ITPKB: variants seen among roughly 807,000 people sequenced by gnomAD.
The protein encoded by ITPKB is IP3 3-kinase B.
A neutral mutation model predicts 69.4 loss-of-function variants in ITPKB; 13 were observed. The ratio of observed to expected loss-of-function variants is 0.19; its 90% CI spans 0.12 to 0.30. ITPKB has a LOEUF of 0.30. Among genes scored for constraint, ITPKB ranks in the 10% least tolerant of loss-of-function variants. ITPKB has a pLI of 1.00. For synonymous variants in ITPKB, 584 were observed against 513.7 expected (o/e 1.14, Z -1.85); for missense variants, 1,240 against 1,250.5 (o/e 0.99, Z 0.13).
intron 2 of ITPKB, among the ~76,000 whole-genome samples, chr1:226,654,506 G>A (rs191573477): frequency 1.3e-5 from 2 of 152,272 alleles, no homozygotes; most frequent in East Asian, 1.9e-4. Context: ...CTCCCTGGGG[G>A]CCAAGGCCTA....
chr1:226,666,776 A>G (rs1669511922), intron 2 of ITPKB, among the ~76,000 whole-genome samples: 1 of 152,128 alleles, frequency 6.6e-6, no homozygotes, highest in African/African-American at 2.4e-5. Context: ...TTTCTAAAAC[A>G]TCAATCTGAT....
At chr1:226,657,537 A>G (rs990790411) in intron 2 of ITPKB, among the ~76,000 whole-genome samples, 2 of 152,200 alleles carry the variant, frequency 1.3e-5, no homozygotes, top group South Asian at 2.1e-4. Context: ...AATATCAGAA[A>G]TGGGAAATGA....
rs758474285 is a variant in ITPKB, at chr1:226,736,526, T to C, written c.933A>G (p.Thr311=). The C allele has an allele frequency of 3.1e-6, 5 of 1,613,816 alleles. No homozygotes were observed. The highest frequency in any genetic ancestry group is 4.2e-6 in the Non-Finnish European group (5 of 1,180,040). The change falls in exon 2 of 8, where the codon ACA becomes ACG. Residue 311 remains threonine (T), a synonymous_variant. Coordinates refer to ENST00000429204, the MANE Select transcript of ITPKB (RefSeq NM_002221.4). ...TMATEVAARV[T]STGPHRPQDL... ...CCTGTGGACGGTGTGGCCCAGTGGA[T>C]GTAACTCTCGCTGCCACTTCCGTGG...
At position 226,736,840 on chromosome 1, in the gene ITPKB, C is replaced by T; in HGVS notation, c.619G>A (p.Glu207Lys). 3.1e-6 allele frequency: 5 copies of T among 1,612,350 alleles called. No homozygotes were observed. The highest frequency in any genetic ancestry group is 4.2e-6 in the Non-Finnish European group (5 of 1,180,016). ...SEERRTKSWGEQCPETSGTDS... is the reference protein window; with the variant it reads ...SEERRTKSWGKQCPETSGTDS... ...GTTCCTGAAGTCTCTGGACATTGCT[C>T]CCCCCAGGACTTTGTCCTCCGTTCC... The change falls in exon 2 of 8, where the codon GAG becomes AAG. Residue 207 changes from glutamate to lysine, a missense_variant. Physicochemically the swap from Glu to Lys is moderately conservative, Grantham distance 56. This residue lies in a region of ITPKB where 992 missense variants were observed against 853.8 expected (regional missense o/e 1.16). Coordinates refer to ENST00000429204, the MANE Select transcript of ITPKB (RefSeq NM_002221.4).
At position 226,651,163 on chromosome 1, in the gene ITPKB, G is replaced by A. The variant is rs553970333; in HGVS notation, c.1933-2392C>T. ...GAAAGAGAAGACTACAGCTGGCAGC[G>A]GGAGTGTGGGGACAAAGGCCCGGGG... On this transcript the variant is annotated intron_variant, in intron 2 of 7. Transcript: ENST00000429204. Among the ~76,000 whole-genome samples the A allele has an allele frequency of 1.2e-4, 19 of 152,266 alleles. No homozygotes were observed. The South Asian group carries it at 3.1e-3, about 25-fold the overall frequency.
At chr1:226,716,365 C>A (rs568646658) in intron 2 of ITPKB, among the ~76,000 whole-genome samples, 78 of 152,178 alleles carry the variant, frequency 5.1e-4, no homozygotes, top group African/African-American at 1.8e-3. Context: ...AAATCTTTTT[C>A]TTTATTTTTT....
intron 2 of ITPKB, among the ~76,000 whole-genome samples, chr1:226,712,557 C>T (rs897042808): frequency 3.9e-5 from 6 of 152,146 alleles, no homozygotes; most frequent in Non-Finnish European, 2.9e-5. Flanking sequence ...GAAACAAAGA[C>T]GTTGAAGGGA....
intron 2 of ITPKB, among the ~76,000 whole-genome samples, chr1:226,670,841 G>C (rs1022439154): frequency 6.6e-6 from 1 of 152,134 alleles, no homozygotes; most frequent in Non-Finnish European, 1.5e-5. Flanking sequence ...AATTAATAAT[G>C]CATAGAATCA....
rs34777857 is a variant in ITPKB at position 226,735,586 on chromosome 1, G to C, written c.1873C>G (p.Arg625Gly). ...AAGGCTGAGTTGGGGTCCAGGGTGC[G>C]CTCAGGGTCACTGGAGATGTCCTCC... is the stretch of plus-strand genomic sequence containing the variant. ...SEEDISSDPE[R>G]TLDPNSAFLH... The change falls in exon 2 of 8, where the codon CGC (arginine) becomes GGC (glycine). Residue 625 changes from arginine (R) to glycine (G), a missense_variant. By Grantham distance (125) the Arg-to-Gly change is moderately radical. Around this residue, in one of 2 missense-constraint regions of ITPKB, gnomAD observed 992 missense variants for 853.8 expected, o/e 1.16. Transcript: ENST00000429204. The C allele has an allele frequency of 1.3e-6, 2 of 1,588,362 alleles. No individual in the cohort carries two copies. Among genetic ancestry groups the C allele is most frequent in the Admixed American group, 1.8e-5 (1 of 55,598 alleles).
chr1:226,647,283 G>C lies in ITPKB; in HGVS notation c.2130C>G (p.Pro710=). 6.2e-7 allele frequency: 1 copy of C among 1,614,194 alleles called. No homozygotes were observed. The highest frequency in any genetic ancestry group is 8.5e-7 in the Non-Finnish European group (1 of 1,180,016). Residue 710 remains proline, a synonymous_variant, in exon 4 of 8, where the codon CCC becomes CCG. Transcript: ENST00000429204. The part of the protein sequence containing the change: ...LDRLMVDVLR[P]FVPAYHGDVV... ...CATCCCCATGGTAGGCAGGTACGAA[G>C]GGCCTCAGCACATCCACCATCAGCC...
At chr1:226,729,110 T>C (rs919190334) in intron 2 of ITPKB, among the ~76,000 whole-genome samples, 4 of 152,188 alleles carry the variant, frequency 2.6e-5, no homozygotes, top group Non-Finnish European at 5.9e-5. Flanking sequence ...AGTTTGTTAG[T>C]TGAAGGGTGT....
chr1:226,707,771 C>T lies in ITPKB; in HGVS notation c.1932+27756G>A, dbSNP rs1237039035. The T allele has an allele frequency of 3.8e-6, 4 of 1,060,446 alleles. No individual in the cohort carries two copies. The African/African-American group carries it at 5.1e-5, about 14-fold the overall frequency. 65.7% of individuals were successfully genotyped at this position (1,060,446 alleles called of 1,614,324 possible). On this transcript the variant is annotated intron_variant, in intron 2 of 7. Coordinates refer to ENST00000429204, the MANE Select transcript of ITPKB (RefSeq NM_002221.4). ...AAATCCAATGGTCGTAGGGAAACTGCAGCACTTAGACTTTACAGATGACCC... is the reference window on the plus strand; with the variant it reads ...AAATCCAATGGTCGTAGGGAAACTGTAGCACTTAGACTTTACAGATGACCC...
rs139555467 is a variant in ITPKB, at chr1:226,637,705, C to A, written c.2599G>T (p.Val867Phe). The change falls in exon 7 of 8, where the codon GTT (valine) becomes TTT (phenylalanine). Residue 867 changes from valine (V) to phenylalanine (F), a missense_variant. Physicochemically the swap from Val to Phe is conservative, Grantham distance 50. This residue lies in a region of ITPKB where 248 missense variants were observed against 396.7 expected (regional missense o/e 0.63). Transcript: ENST00000429204. The surrounding 1 kb of genome is among the most constrained non-coding windows in gnomAD (Gnocchi z 4.3). ...TCGTGGCACTTGAAGAAGGGAGAAA[C>A]TTCTAGAGTGGTTCGAATGGCCTTC... is the stretch of plus-strand genomic sequence containing the variant. ...RLKAIRTTLE[V>F]SPFFKCHEVI... The A allele has an allele frequency of 1.2e-6, 2 of 1,613,938 alleles. No homozygotes were observed. The highest frequency in any genetic ancestry group is 2.7e-5 in the African/African-American group (2 of 74,942).
At chr1:226,683,725 C>G (rs1197283266) in intron 2 of ITPKB, among the ~76,000 whole-genome samples, 6 of 152,122 alleles carry the variant, frequency 3.9e-5, no homozygotes, top group Non-Finnish European at 8.8e-5. Context: ...ACATCATTCC[C>G]TCTTTTCTAT....
At chr1:226,674,152 G>C (rs539891347) in intron 2 of ITPKB, among the ~76,000 whole-genome samples, 15 of 152,296 alleles carry the variant, frequency 9.8e-5, no homozygotes, top group African/African-American at 3.4e-4. Flanking sequence ...ATTCAGAAGA[G>C]ATTCTAGTAA....
chr1:226,647,121 G>GT, intron 4 of ITPKB, 46 bp downstream of exon 4: 1 of 1,557,726 alleles, frequency 6.4e-7, no homozygotes, highest in Non-Finnish European at 8.9e-7. Context: ...CCTGCCATGT[G>GT]GCTTGCACTG....
rs1189292454 is a variant in ITPKB, at chr1:226,632,482, T to A, written c.*2189A>T. ...AATGGCTTGAGAGACAGAGTAGGTG[T>A]AGAAGAGAACTAGCACGGTAAATAC... On this transcript the variant is annotated 3_prime_UTR_variant, in exon 8 of 8. Transcript: ENST00000429204. 6.7e-6 allele frequency: 1 copy of A among 149,954 alleles called. No individual in the cohort carries two copies. Among genetic ancestry groups the A allele is most frequent in the Non-Finnish European group, 1.5e-5 (1 of 67,480 alleles). The allele number at this position is 149,954 out of a possible 1,614,324, so 9.3% of individuals were successfully genotyped here.
chr1:226,688,194 T>C (rs933778780), intron 2 of ITPKB, among the ~76,000 whole-genome samples: 2 of 152,222 alleles, frequency 1.3e-5, no homozygotes, highest in Non-Finnish European at 2.9e-5. Context: ...GACATTATCA[T>C]ACAAGAGATC....
At chr1:226,727,459 C>A (rs1257105085) in intron 2 of ITPKB, among the ~76,000 whole-genome samples, 2 of 152,250 alleles carry the variant, frequency 1.3e-5, no homozygotes, top group African/African-American at 4.8e-5. Flanking sequence ...GCAGATTGAG[C>A]TGGGTGGATG....
Sources: allele counts gnomAD v4.1 joint callset (sites outside exome capture counted in the v4.1 genomes callset), GRCh38; gene constraint gnomAD v4.1.1; regional missense constraint gnomAD v4.1.1; non-coding constraint Gnocchi (gnomAD v3.1); transcripts MANE v1.5; gene names NCBI Gene and HGNC (gene_info 2026-07-23, HGNC 2026-07-21).